TFCP2: variants seen among roughly 807,000 people sequenced by gnomAD.
The protein encoded by TFCP2 is alpha-globin transcription factor CP2.
A neutral mutation model predicts 73.4 loss-of-function variants in TFCP2; 33 were observed. The observed-to-expected ratio is 0.45, with a 90% CI of 0.34 to 0.60. TFCP2 has a LOEUF of 0.60. TFCP2 is among the 20% of genes least tolerant of loss of function. TFCP2 has a pLI of 0.01. For synonymous variants in TFCP2, 193 were observed against 211.6 expected (o/e 0.91, Z 0.76); for missense variants, 352 against 604.0 (o/e 0.58, Z 4.37).
rs1439012067 is a variant in TFCP2 at position 51,172,618 on chromosome 12, T to C, written c.-196A>G. ...TCCCGTACCCTTGGCTGCTCGTTCT[T>C]GGCTGCCCCAGGTTCCAAAATCCCC... On this transcript the variant is annotated 5_prime_UTR_variant, in exon 1 of 15. Transcript: ENST00000257915. 1 of 659,484 alleles carries C rather than the reference T, an allele frequency of 1.5e-6. No individual in the cohort carries two copies. The highest frequency in any genetic ancestry group is 2.4e-6 in the Non-Finnish European group (1 of 409,740). 40.9% of individuals were successfully genotyped at this position (659,484 alleles called of 1,614,324 possible). A position where few individuals can be genotyped will look rare whatever the true frequency, so the allele number is the denominator to read the frequency against.
chr12:51,133,050 A>C (rs1940983993), intron 1 of TFCP2, among the ~76,000 whole-genome samples: 1 of 152,208 alleles, frequency 6.6e-6, no homozygotes, highest in South Asian at 2.1e-4. Context: ...CTTCTAAAAA[A>C]TTTCTTTGTT....
intron 1 of TFCP2, among the ~76,000 whole-genome samples, chr12:51,145,770 G>A (rs1168191310): frequency 1.3e-5 from 2 of 151,284 alleles, no homozygotes; most frequent in African/African-American, 4.9e-5. Flanking sequence ...AGCAACATAA[G>A]GAGACCCCCG....
intron 1 of TFCP2, among the ~76,000 whole-genome samples, chr12:51,159,493 C>T (rs1027310441): frequency 1.3e-5 from 2 of 151,832 alleles, no homozygotes; most frequent in Non-Finnish European, 2.9e-5. Context: ...CGCCCACCAC[C>T]ATGCCCAGCT....
chr12:51,104,249 G>A lies in TFCP2; in HGVS notation c.918-46C>T. The A allele has an allele frequency of 2.0e-6, 3 of 1,520,846 alleles. No individual in the cohort carries two copies. In the South Asian group the frequency reaches 3.5e-5, roughly 18 times the overall value. The allele number at this position is 1,520,846 out of a possible 1,614,324, so 94.2% of individuals were successfully genotyped here. ...AAAGGATGAGTCCATGACACATGCTGGGGCTCATTATTTCATTCCTCAGCT... is the reference window on the plus strand; with the variant it reads ...AAAGGATGAGTCCATGACACATGCTAGGGCTCATTATTTCATTCCTCAGCT... On this transcript the variant is annotated intron_variant, in intron 8 of 14. Transcript: ENST00000257915.
intron 10 of TFCP2, 86 bp downstream of exon 10, chr12:51,103,584 C>G: frequency 1.0e-6 from 1 of 986,000 alleles, no homozygotes; most frequent in Non-Finnish European, 1.6e-6. Context: ...CATATACACA[C>G]ACAACTCTCC....
chr12:51,098,590 C>T (rs1940026033), intron 13 of TFCP2, among the ~76,000 whole-genome samples, 186 bp downstream of exon 13: 1 of 151,480 alleles, frequency 6.6e-6, no homozygotes, highest in Admixed American at 6.6e-5. Flanking sequence ...TGGGCCACTG[C>T]ACTCCGGCCT....
At chr12:51,112,341 T>C (rs1252357412) in intron 4 of TFCP2, among the ~76,000 whole-genome samples, 2 of 152,202 alleles carry the variant, frequency 1.3e-5, no homozygotes, top group African/African-American at 2.4e-5. Flanking sequence ...TAGCTTAAAA[T>C]ATGGCAATTT....
intron 1 of TFCP2, among the ~76,000 whole-genome samples, chr12:51,133,282 A>G (rs1440523146): frequency 6.6e-6 from 1 of 152,046 alleles, no homozygotes; most frequent in African/African-American, 2.4e-5. Context: ...CTTTTACTAC[A>G]CTGCCAATAA....
At chr12:51,095,595 G>A (rs749168626) in intron 14 of TFCP2, among the ~76,000 whole-genome samples, 8 of 151,804 alleles carry the variant, frequency 5.3e-5, no homozygotes, top group East Asian at 1.9e-4. Context: ...TGGGTGGATC[G>A]CTTGAGGTCA....
At chr12:51,113,472 G>C (rs927271272) in intron 4 of TFCP2, among the ~76,000 whole-genome samples, 2 of 152,128 alleles carry the variant, frequency 1.3e-5, no homozygotes, top group African/African-American at 4.8e-5. Context: ...TCTAATACCA[G>C]AACTCCCACT....
At chr12:51,158,524 T>C (rs1228206943) in intron 1 of TFCP2, among the ~76,000 whole-genome samples, 1 of 152,304 alleles carries the variant, frequency 6.6e-6, no homozygotes, top group South Asian at 2.1e-4. Flanking sequence ...AGTCTTGCTC[T>C]GTCGCCCAGG....
chr12:51,150,786 C>T (rs7979358), intron 1 of TFCP2, among the ~76,000 whole-genome samples: 9,221 of 152,286 alleles, frequency 0.061, 889 homozygotes, highest in African/African-American at 0.21. Flanking sequence ...ATAGTACTTG[C>T]CTTTTTTAAG....
At chr12:51,095,425 C>A in intron 14 of TFCP2, 147 bp from the exon 15 acceptor site, 1 of 787,962 alleles carries the variant, frequency 1.3e-6, no homozygotes, top group Non-Finnish European at 2.1e-6. Flanking sequence ...TGGACTCCAG[C>A]TTGGGCAACA....
At chr12:51,137,537 A>T (rs991450666) in intron 1 of TFCP2, among the ~76,000 whole-genome samples, 1 of 152,150 alleles carries the variant, frequency 6.6e-6, no homozygotes, top group African/African-American at 2.4e-5. Context: ...TTTTTCATAC[A>T]TTATAGGATT....
intron 1 of TFCP2, among the ~76,000 whole-genome samples, chr12:51,151,676 T>C (rs1044952704): frequency 1.2e-4 from 18 of 152,278 alleles, no homozygotes; most frequent in African/African-American, 4.3e-4. Flanking sequence ...GACCTTGTGA[T>C]CCGCCCGCCT....
intron 1 of TFCP2, among the ~76,000 whole-genome samples, chr12:51,139,559 G>A (rs994498357): frequency 6.6e-6 from 1 of 151,900 alleles, no homozygotes. Context: ...TTAATTTTTT[G>A]TACAGACAGG....
intron 1 of TFCP2, among the ~76,000 whole-genome samples, chr12:51,119,208 C>A (rs948174541): frequency 6.6e-5 from 10 of 152,266 alleles, no homozygotes; most frequent in Admixed American, 2.0e-4. Context: ...AAGGACAAAT[C>A]AATAACGAGT....
intron 4 of TFCP2, among the ~76,000 whole-genome samples, chr12:51,112,223 A>G (rs1263263129): frequency 6.6e-6 from 1 of 152,210 alleles, no homozygotes; most frequent in Non-Finnish European, 1.5e-5. Context: ...CTATATAGTG[A>G]TGTTTCAATA....
intron 1 of TFCP2, among the ~76,000 whole-genome samples, chr12:51,127,472 T>C (rs1310712897): frequency 6.6e-6 from 1 of 152,082 alleles, no homozygotes; most frequent in African/African-American, 2.4e-5. Context: ...AGAAAGAAAC[T>C]ATTTTTAAAA....
Sources: gnomAD v4.1 joint callset for allele counts (sites outside exome capture counted in the v4.1 genomes callset) on GRCh38, gnomAD v4.1.1 for gene constraint, MANE v1.5 for transcripts, NCBI Gene and HGNC (gene_info 2026-07-23, HGNC 2026-07-21) for gene names.